IL1RAP: variants seen among roughly 807,000 people sequenced by gnomAD.
The protein encoded by IL1RAP is interleukin 1 receptor accessory protein, also known as interleukin-1 receptor accessory protein.
IL1RAP carries 35 observed loss-of-function variants against 60.7 expected under a neutral mutation model. The ratio of observed to expected loss-of-function variants is 0.58; its 90% confidence interval spans 0.44 to 0.76. The LOEUF (loss-of-function observed/expected upper bound fraction) is 0.76. IL1RAP is among the 30% of genes least tolerant of loss of function. The pLI, the probability that IL1RAP is intolerant of heterozygous loss-of-function variation, is 0.00. For synonymous variants in IL1RAP, 268 were observed against 250.9 expected, an observed-to-expected ratio of 1.07 and a Z score of -0.64; for missense variants, 572 against 693.9, an observed-to-expected ratio of 0.82 and a Z score of 1.97.
intron 1 of IL1RAP, among the ~76,000 whole-genome samples, chr3:190,532,466 G>C (rs1723074659): frequency 1.3e-5 from 2 of 152,042 alleles, no homozygotes; most frequent in African/African-American, 4.8e-5. Context: ...GTTTCACCGT[G>C]TTAGCCAGGA....
intron 8 of IL1RAP, among the ~76,000 whole-genome samples, chr3:190,628,585 T>C (rs901488094): frequency 1.3e-5 from 2 of 152,322 alleles, no homozygotes; most frequent in East Asian, 1.9e-4. Flanking sequence ...AATTCTGATC[T>C]TGGACCCAAA....
chr3:190,573,508 T>G (rs1727182954), intron 3 of IL1RAP, among the ~76,000 whole-genome samples: 1 of 152,154 alleles, frequency 6.6e-6, no homozygotes, highest in South Asian at 2.1e-4. Context: ...TTGGAGGACT[T>G]TCTCCCTCCC....
rs1293843523 is a variant in IL1RAP, at chr3:190,627,370, G to T, written c.823G>T (p.Asp275Tyr). 1.9e-6 allele frequency: 3 copies of T among 1,612,948 alleles called. No individual in the cohort carries two copies. Among genetic ancestry groups the T allele is most frequent in the African/African-American group, 2.7e-5 (2 of 74,596 alleles). The change falls in exon 8 of 12, where the codon GAT becomes TAT. Residue 275 changes from aspartate to tyrosine, a missense_variant. Transcript: ENST00000447382. ...PCTVYFSFLM[D>Y]SRNEVWWTID... ...TACGGTCTATTTTAGTTTTCTGATG[G>T]ATTCTCGCAATGAGGTTTGGTGGAC...
chr3:190,575,577 A>T (rs1727366843), intron 3 of IL1RAP, among the ~76,000 whole-genome samples: 1 of 152,188 alleles, frequency 6.6e-6, no homozygotes, highest in African/African-American at 2.4e-5. Context: ...GTGGCATGAG[A>T]TGTAGGCCTT....
chr3:190,588,521 G>A (rs1577670010), intron 3 of IL1RAP, among the ~76,000 whole-genome samples: 1 of 152,216 alleles, frequency 6.6e-6, no homozygotes, highest in South Asian at 2.1e-4. Flanking sequence ...GGACTTGACA[G>A]TGTTGTCCTG....
exon 12 of IL1RAP, chr3:190,658,207 G>A (rs535940138): frequency 1.3e-5 from 2 of 152,232 alleles, no homozygotes; most frequent in East Asian, 1.9e-4. Flanking sequence ...ATGGCTTAAA[G>A]TTAAGAAGGA....
chr3:190,531,906 G>A (rs115100373), intron 1 of IL1RAP, among the ~76,000 whole-genome samples: 3,021 of 152,180 alleles, frequency 0.02, 83 homozygotes, highest in African/African-American at 0.068. Flanking sequence ...TCAAGCTTTC[G>A]CAGCAGCCAT....
chr3:190,577,576 C>T (rs1311341524), intron 3 of IL1RAP, among the ~76,000 whole-genome samples: 1 of 152,216 alleles, frequency 6.6e-6, no homozygotes, highest in African/African-American at 2.4e-5. Flanking sequence ...CCTGCAGGAT[C>T]TTGCTCTGTT....
At chr3:190,519,499 G>A (rs902852271) in intron 1 of IL1RAP, among the ~76,000 whole-genome samples, 1 of 152,082 alleles carries the variant, frequency 6.6e-6, no homozygotes, top group South Asian at 2.1e-4. Context: ...GAACCTGCGT[G>A]TGCCTGAGTG....
chr3:190,526,389 A>C (rs1295642910), intron 1 of IL1RAP, among the ~76,000 whole-genome samples: 1 of 152,202 alleles, frequency 6.6e-6, no homozygotes, highest in Non-Finnish European at 1.5e-5. Flanking sequence ...ACATTTATTC[A>C]CCTCTATTTG....
intron 1 of IL1RAP, among the ~76,000 whole-genome samples, chr3:190,545,557 A>C (rs889325618): frequency 6.6e-6 from 1 of 152,208 alleles, no homozygotes; most frequent in Admixed American, 6.5e-5. Context: ...TGCTAAGCAG[A>C]AGATAGACAT....
At chr3:190,651,657 G>C (rs976539914), downstream of IL1RAP, 1 of 152,990 alleles carries the variant, frequency 6.5e-6, no homozygotes, top group Admixed American at 6.5e-5. Context: ...AGATAAATCT[G>C]AGTAAAATGG....
chr3:190,549,487 G>A lies in IL1RAP; in HGVS notation c.-88-6643G>A, dbSNP rs149171032. Among the ~76,000 whole-genome samples the A allele has an allele frequency of 3.4e-3, 515 of 152,314 alleles. 4 individuals are homozygous for A. The highest frequency in any genetic ancestry group is 0.012 in the African/African-American group (498 of 41,580). ...CCAGCAGAAGGGGCCATCATCCAAAGCTCCGGTTGCAAGACCATTTGGAGT... is the reference window on the plus strand; with the variant it reads ...CCAGCAGAAGGGGCCATCATCCAAAACTCCGGTTGCAAGACCATTTGGAGT... On this transcript the variant is annotated intron_variant, in intron 1 of 11. Coordinates refer to ENST00000447382, the MANE Select transcript of IL1RAP (RefSeq NM_002182.4).
At chr3:190,588,270 C>A (rs1012046347) in intron 3 of IL1RAP, among the ~76,000 whole-genome samples, 5 of 152,150 alleles carry the variant, frequency 3.3e-5, no homozygotes, top group African/African-American at 1.2e-4. Context: ...TGCGCCACCA[C>A]GCCCAGCTAA....
At chr3:190,637,185 A>G (rs1198456062) in intron 9 of IL1RAP, among the ~76,000 whole-genome samples, 5 of 152,152 alleles carry the variant, frequency 3.3e-5, no homozygotes, top group Non-Finnish European at 7.4e-5. Flanking sequence ...TAAGTTAAGA[A>G]CTGATCTTTT....
intron 9 of IL1RAP, among the ~76,000 whole-genome samples, chr3:190,632,315 A>C (rs988480647): frequency 6.6e-6 from 1 of 152,136 alleles, no homozygotes; most frequent in Admixed American, 6.6e-5. Flanking sequence ...GTTTTATTAC[A>C]TTGTGCTTTA....
chr3:190,644,270 G>A lies in IL1RAP; in HGVS notation c.1074G>A (p.Val358=). ...CAGTGCCAGCTCCAAGATACACAGT[G>A]GAACTGGCTTGTGGTTTTGGAGCCA... ...KQKVPAPRYT[V]ELACGFGATV... Residue 358 remains valine, a synonymous_variant, in exon 10 of 12, where the codon GTG becomes GTA. Coordinates refer to ENST00000447382, the MANE Select transcript of IL1RAP (RefSeq NM_002182.4). The A allele has an allele frequency of 6.2e-7, 1 of 1,613,508 alleles. No individual in the cohort carries two copies. Among genetic ancestry groups the A allele is most frequent in the Non-Finnish European group, 8.5e-7 (1 of 1,179,744 alleles).
At position 190,657,443 on chromosome 3, in the gene IL1RAP, G is replaced by A. The variant is rs559868128; in HGVS notation, c.*836G>A. The A allele has an allele frequency of 2.0e-5, 3 of 152,320 alleles. No homozygotes were observed. The East Asian group carries it at 5.8e-4, about 29-fold the overall frequency. The allele number at this position is 152,320 out of a possible 1,614,324, so 9.4% of individuals were successfully genotyped here. A position where few individuals can be genotyped will look rare whatever the true frequency, so the allele number is the denominator to read the frequency against. On this transcript the variant is annotated 3_prime_UTR_variant, in exon 12 of 12. Transcript: ENST00000317757. The stretch of plus-strand genomic sequence containing the variant: ...ACAACAATCTCATATTTTTAGAACT[G>A]ACAGATGAAAAATTCCGTATTGTAA...
chr3:190,540,550 C>A (rs757094058), intron 1 of IL1RAP, among the ~76,000 whole-genome samples: 1 of 150,168 alleles, frequency 6.7e-6, no homozygotes, highest in Non-Finnish European at 1.5e-5. Context: ...TTTTTTTTTC[C>A]TCCTAAGAAG....
Sources: allele counts gnomAD v4.1 joint callset (sites outside exome capture counted in the v4.1 genomes callset), GRCh38; gene constraint gnomAD v4.1.1; transcripts MANE v1.5; gene names NCBI Gene and HGNC (gene_info 2026-07-23, HGNC 2026-07-21).